Variants in JAKMIP3 observed in about 807,000 individuals in gnomAD.
The protein encoded by JAKMIP3 is Janus kinase and microtubule interacting protein 3.
Under a neutral mutation model 118.5 loss-of-function variants are expected in JAKMIP3, and 58 were observed. The ratio of observed to expected loss-of-function variants is 0.49; its 90% CI spans 0.40 to 0.61. The LOEUF (loss-of-function observed/expected upper bound fraction) is 0.61, where lower values mean the gene tolerates loss of function less well. Ranked by LOEUF, JAKMIP3 falls within the 20% of genes least tolerant of loss-of-function variation. The pLI is 0.00. For synonymous variants in JAKMIP3, 486 were observed against 451.2 expected, an observed-to-expected ratio of 1.08 and a Z score of -0.98; for missense variants, 950 against 1,109.0, an observed-to-expected ratio of 0.86 and a Z score of 2.04.
At chr10:132,082,584 T>G (rs2041912719) in intron 1 of JAKMIP3, among the ~76,000 whole-genome samples, 1 of 152,184 alleles carries the variant, frequency 6.6e-6, no homozygotes, top group South Asian at 2.1e-4. Flanking sequence ...CTGAGTAGTA[T>G]TCCATTGTGT....
At chr10:132,145,042 A>G (rs954174403) in intron 11 of JAKMIP3, 65 bp from the exon 12 acceptor site, 5 of 1,353,392 alleles carry the variant, frequency 3.7e-6, no homozygotes, top group Admixed American at 1.9e-5. Flanking sequence ...ACGTCCCACG[A>G]GTGTGTGTGC....
At chr10:132,076,745 A>G (rs1487411500) in intron 1 of JAKMIP3, among the ~76,000 whole-genome samples, 1 of 141,538 alleles carries the variant, frequency 7.1e-6, no homozygotes, top group African/African-American at 2.7e-5. Flanking sequence ...CCCTGGTCTG[A>G]CTGACTGAAG....
At chr10:132,180,919 ATG>A (rs555443307) in intron 23 of JAKMIP3, among the ~76,000 whole-genome samples, 1 of 151,608 alleles carries the variant, frequency 6.6e-6, no homozygotes, top group Non-Finnish European at 1.5e-5. Flanking sequence ...ATGTGCCTGT[ATG>A]TGTATTTTGC....
chr10:132,102,481 C>T (rs1216568189), intron 1 of JAKMIP3, among the ~76,000 whole-genome samples: 5 of 152,178 alleles, frequency 3.3e-5, no homozygotes, highest in Non-Finnish European at 5.9e-5. Context: ...CCGTCTCACA[C>T]GTGCAGAGCT....
chr10:132,180,762 T>TGTGTGC (rs2061261276), intron 23 of JAKMIP3, among the ~76,000 whole-genome samples: 1 of 22,124 alleles, frequency 4.5e-5, no homozygotes, highest in African/African-American at 1.4e-4. Flanking sequence ...CGTGTGTGCG[T>TGTGTGC]GTGTGTGCGT....
At chr10:132,145,239 G>C (rs547396841) in intron 12 of JAKMIP3, 49 bp downstream of exon 12, 10 of 1,441,996 alleles carry the variant, frequency 6.9e-6, no homozygotes, top group Non-Finnish European at 9.6e-6. Flanking sequence ...GTGGGTGGGA[G>C]GTATTTGGCT....
chr10:132,115,869 G>T lies in JAKMIP3; in HGVS notation c.136-1208G>T, dbSNP rs150733180. On this transcript the variant is annotated intron_variant, in intron 2 of 23. Transcript: ENST00000684848. ...CTCAGCTGTCCTCCAGCTCCCACTG[G>T]AGCCGTGAATATTTGGCGACGTCAT... Among the ~76,000 whole-genome samples, 387 of 152,364 alleles carry T rather than the reference G, an allele frequency of 2.5e-3. 1 individual carries two copies. The highest frequency in any genetic ancestry group is 9.0e-3 in the African/African-American group (374 of 41,596).
intron 1 of JAKMIP3, among the ~76,000 whole-genome samples, chr10:132,048,566 T>C (rs567432525): frequency 6.6e-6 from 1 of 152,298 alleles, no homozygotes; most frequent in Admixed American, 6.5e-5. Context: ...CTGTGTTCTG[T>C]TGACCAGCTC....
At chr10:132,054,623 A>T (rs2038188452) in intron 1 of JAKMIP3, among the ~76,000 whole-genome samples, 2 of 152,338 alleles carry the variant, frequency 1.3e-5, no homozygotes, top group South Asian at 4.1e-4. Context: ...CAAGAGTCAG[A>T]CAGAGGCAGG....
At chr10:132,164,808 G>A (rs900264002) in intron 21 of JAKMIP3, 73 bp downstream of exon 21, 1 of 1,027,034 alleles carries the variant, frequency 9.7e-7, no homozygotes, top group South Asian at 1.3e-5. Flanking sequence ...CCCGACCTGA[G>A]TCACTCAGCT....
At chr10:132,094,554 C>T (rs1242533441) in intron 1 of JAKMIP3, among the ~76,000 whole-genome samples, 1 of 152,116 alleles carries the variant, frequency 6.6e-6, no homozygotes, top group African/African-American at 2.4e-5. Context: ...CCCAGCAAGT[C>T]TACCAGGCTC....
At position 132,180,728 on chromosome 10, in the gene JAKMIP3, T is replaced by TGCGC. The variant is rs1186810345; in HGVS notation, c.*1104-1626_*1104-1625insCGCG. On this transcript the variant is annotated intron_variant, in intron 23 of 23. Transcript: ENST00000684848. ...GTGTGCGCGTGTGTGTGCGTGTGTG[T>TGCGC]GCGTGTGTGCGTGCGTGCGCGCGCG... 1.0e-4 allele frequency among the ~76,000 whole-genome samples: 2 copies of TGCGC among 19,832 alleles called. 1 individual carries two copies. The highest frequency in any genetic ancestry group is 4.2e-3 in the South Asian group (2 of 474). 13.0% of individuals were successfully genotyped at this position (19,832 alleles called of 152,430 possible).
rs148307335 is a variant in JAKMIP3 at position 132,110,523 on chromosome 10, G to A, written c.135+5580G>A. Among the ~76,000 whole-genome samples the A allele has an allele frequency of 2.6e-3, 389 of 152,394 alleles. 3 individuals are homozygous for A. The highest frequency in any genetic ancestry group is 8.8e-3 in the African/African-American group (367 of 41,596). ...TGCTGCGGTACTGGACTGCCGTGCA[G>A]TGGGGAGCTCATCTCTTTATCAAAA... On this transcript the variant is annotated intron_variant, in intron 2 of 23. Coordinates refer to ENST00000684848, the MANE Select transcript of JAKMIP3 (RefSeq NM_001323087.2).
intron 1 of JAKMIP3, among the ~76,000 whole-genome samples, chr10:132,080,244 C>T (rs529440950): frequency 3.9e-5 from 6 of 152,224 alleles, no homozygotes; most frequent in South Asian, 4.1e-4. Flanking sequence ...ACATTTCTGC[C>T]GACAGTGTAC....
In JAKMIP3 at chr10:132,153,617, C is replaced by G. The variant is rs952817843; in HGVS notation, c.2074-142C>G. The G allele has an allele frequency of 6.3e-6, 5 of 795,850 alleles. No individual in the cohort carries two copies. The African/African-American group carries it at 8.5e-5, about 13-fold the overall frequency. 49.3% of individuals were successfully genotyped at this position (795,850 alleles called of 1,614,324 possible). ...CATGATGCCAGCGCAGCCTCAACTC[C>G]CTGGAGAGGGCTGTGCTCTCCCCTC... On this transcript the variant is annotated intron_variant, in intron 17 of 23. Coordinates refer to ENST00000684848, the MANE Select transcript of JAKMIP3 (RefSeq NM_001323087.2).
At chr10:132,162,013 A>C (rs556090926) in intron 19 of JAKMIP3, among the ~76,000 whole-genome samples, 2 of 143,160 alleles carry the variant, frequency 1.4e-5, no homozygotes, top group Non-Finnish European at 1.6e-5. Context: ...TTCCCTGCAC[A>C]CTCGCCCGGT....
At chr10:132,046,494 T>C (rs1042129761) in intron 1 of JAKMIP3, among the ~76,000 whole-genome samples, 1 of 151,756 alleles carries the variant, frequency 6.6e-6, no homozygotes, top group Non-Finnish European at 1.5e-5. Flanking sequence ...GCGTCCACTT[T>C]GCACCTGGCT....
chr10:132,156,506 C>T lies in JAKMIP3; in HGVS notation c.2220+2516C>T, dbSNP rs574290956. On this transcript the variant is annotated intron_variant, in intron 19 of 23. Coordinates refer to ENST00000684848, the MANE Select transcript of JAKMIP3 (RefSeq NM_001323087.2). ...GAGACAGAGGACCCCACCCAGCCTT[C>T]GCTGCTGCTGTTCCATCTGCCTGGG... Among the ~76,000 whole-genome samples the T allele has an allele frequency of 9.8e-5, 15 of 152,310 alleles. No homozygotes were observed. The South Asian group carries it at 1.9e-3, about 19-fold the overall frequency.
At chr10:132,143,786 C>T (rs191877091) in intron 11 of JAKMIP3, 4 of 152,308 alleles carry the variant, frequency 2.6e-5, no homozygotes, top group African/African-American at 9.6e-5. Context: ...GGACGTGGGC[C>T]CATCCCTGCC....
Sources: allele counts gnomAD v4.1 joint callset (sites outside exome capture counted in the v4.1 genomes callset), GRCh38; gene constraint gnomAD v4.1.1; transcripts MANE v1.5; gene names NCBI Gene and HGNC (gene_info 2026-07-23, HGNC 2026-07-21).